THOC2: variants seen among roughly 807,000 people sequenced by gnomAD.
THOC2 encodes the protein THO complex 2.
THOC2 carries 10 observed loss-of-function variants against 128.4 expected under a neutral mutation model. The observed-to-expected ratio is 0.08, with a 90% CI of 0.05 to 0.13. The LOEUF (loss-of-function observed/expected upper bound fraction) is 0.13, where lower values mean the gene tolerates loss of function less well. Ranked by LOEUF, THOC2 falls within the 10% of genes least tolerant of loss-of-function variation. The probability of loss-of-function intolerance (pLI) is 1.00; values close to 1 mark genes in which losing one functional copy is unlikely to be tolerated. For synonymous variants in THOC2, 393 were observed against 396.9 expected, an observed-to-expected ratio of 0.99 and a Z score of 0.12; for missense variants, 535 against 1,155.7, an observed-to-expected ratio of 0.46 and a Z score of 7.79.
At chrX:123,611,056 A>G in intron 37 of THOC2, 93 bp from the exon 38 acceptor site, 1 of 849,917 alleles carries the variant, frequency 1.2e-6, no homozygotes, top group Non-Finnish European at 1.7e-6. Flanking sequence ...GCAGGCCTAA[A>G]TGGGCTCTGA....
intron 1 of THOC2, among the ~76,000 whole-genome samples, chrX:123,728,116 T>G (rs1050545428): frequency 2.0e-4 from 22 of 111,915 alleles, no homozygotes; most frequent in African/African-American, 5.2e-4. Context: ...TTAAATGTAG[T>G]TAAATAAAGT....
At chrX:123,612,971 T>A (rs928249917) in intron 36 of THOC2, among the ~76,000 whole-genome samples, 2 of 111,437 alleles carry the variant, frequency 1.8e-5, no homozygotes, top group African/African-American at 6.5e-5. Context: ...AACAAATGAG[T>A]TTATTAGGAG....
At chrX:123,697,775 GT>G (rs1207924578) in intron 4 of THOC2, 24 bp from the exon 5 acceptor site, 2 of 795,705 alleles carry the variant, frequency 2.5e-6, no homozygotes, top group Non-Finnish European at 3.6e-6. Context: ...GAAGAAAAAA[GT>G]TTGATTGATT....
intron 4 of THOC2, among the ~76,000 whole-genome samples, chrX:123,700,209 A>T (rs890491951): frequency 2.7e-5 from 3 of 109,338 alleles, no homozygotes; most frequent in African/African-American, 1.0e-4. Flanking sequence ...AGTCTGTTAA[A>T]GTTGCTATCA....
At chrX:123,647,963 G>T (rs1338719637) in intron 12 of THOC2, among the ~76,000 whole-genome samples, 2 of 110,394 alleles carry the variant, frequency 1.8e-5, no homozygotes, top group Middle Eastern at 4.6e-3. Flanking sequence ...TTGTTTAAAT[G>T]TAATCAGCCT....
intron 22 of THOC2, among the ~76,000 whole-genome samples, chrX:123,631,233 T>C (rs2047470793): frequency 8.9e-6 from 1 of 111,846 alleles, no homozygotes; most frequent in Non-Finnish European, 1.9e-5. Context: ...TGATCTACCA[T>C]GGGGTGTGAC....
intron 3 of THOC2, among the ~76,000 whole-genome samples, chrX:123,704,863 A>AAAAAG (rs376537209): frequency 1.4e-4 from 16 of 111,656 alleles, no homozygotes; most frequent in African/African-American, 2.9e-4. Context: ...GTCTTGGAGA[A>AAAAAG]AAAAGAAAAG....
At chrX:123,683,602 T>C (rs1569419004) in intron 8 of THOC2, among the ~76,000 whole-genome samples, 1 of 105,589 alleles carries the variant, frequency 9.5e-6, no homozygotes, top group African/African-American at 3.4e-5. Context: ...TGACAAGACT[T>C]TTTTTTTTTT....
At chrX:123,730,495 AG>A (rs897911087) in intron 1 of THOC2, among the ~76,000 whole-genome samples, 1 of 112,422 alleles carries the variant, frequency 8.9e-6, no homozygotes, top group African/African-American at 3.2e-5. Context: ...ACAGTTTTTA[AG>A]CAGCTCTTCA....
At chrX:123,680,548 GTC>G (rs1305532147) in intron 8 of THOC2, among the ~76,000 whole-genome samples, 1 of 109,745 alleles carries the variant, frequency 9.1e-6, no homozygotes, top group Admixed American at 9.8e-5. Flanking sequence ...TCTATACTTT[GTC>G]TCTGTGTCTC....
intron 8 of THOC2, among the ~76,000 whole-genome samples, chrX:123,686,156 C>G (rs1201442049): frequency 8.9e-6 from 1 of 112,176 alleles, no homozygotes; most frequent in Non-Finnish European, 1.9e-5. Context: ...CCAGCCACAT[C>G]AGACTATGAA....
At chrX:123,705,682 G>A (rs1012823104) in intron 3 of THOC2, among the ~76,000 whole-genome samples, 2 of 109,997 alleles carry the variant, frequency 1.8e-5, no homozygotes, top group African/African-American at 6.6e-5. Context: ...AATCACAACA[G>A]CTAAACTTAG....
intron 7 of THOC2, among the ~76,000 whole-genome samples, chrX:123,688,456 C>T (rs932301488): frequency 2.7e-5 from 3 of 111,462 alleles, no homozygotes; most frequent in Non-Finnish European, 3.8e-5. Flanking sequence ...TCAGGCCGGG[C>T]GTGGCAGCTC....
At chrX:123,722,706 G>A (rs2051758319) in intron 1 of THOC2, among the ~76,000 whole-genome samples, 1 of 110,375 alleles carries the variant, frequency 9.1e-6, no homozygotes, top group South Asian at 3.9e-4. Flanking sequence ...TGCACATTCT[G>A]CACATGTATC....
chrX:123,696,915 A>G, intron 5 of THOC2, 73 bp from the exon 6 acceptor site: 1 of 811,670 alleles, frequency 1.2e-6, no homozygotes, highest in Non-Finnish European at 1.7e-6. Flanking sequence ...TTCAAACTAA[A>G]GCTTCCTAAA....
At chrX:123,661,741 C>G (rs190973366) in intron 12 of THOC2, among the ~76,000 whole-genome samples, 1 of 111,778 alleles carries the variant, frequency 8.9e-6, no homozygotes, top group Non-Finnish European at 1.9e-5. Context: ...AACTACTTAA[C>G]AGATTTCTTT....
At chrX:123,649,361 A>G (rs1326161732) in intron 12 of THOC2, among the ~76,000 whole-genome samples, 1 of 111,752 alleles carries the variant, frequency 8.9e-6, no homozygotes, top group Non-Finnish European at 1.9e-5. Flanking sequence ...AACAGCACAA[A>G]AAGGCTGAAA....
chrX:123,650,944 T>G (rs2048328364), intron 12 of THOC2, among the ~76,000 whole-genome samples: 1 of 111,799 alleles, frequency 8.9e-6, no homozygotes, highest in Non-Finnish European at 1.9e-5. Context: ...AACTCAGCTC[T>G]GGACCAAGTG....
intron 3 of THOC2, among the ~76,000 whole-genome samples, chrX:123,703,767 T>TG (rs1382517480): frequency 3.3e-5 from 3 of 92,235 alleles, no homozygotes; most frequent in African/African-American, 1.2e-4. Flanking sequence ...CCAGGCGTGA[T>TG]GGTGTACTAG....
Sources: allele counts gnomAD v4.1 joint callset (sites outside exome capture counted in the v4.1 genomes callset), GRCh38; gene constraint gnomAD v4.1.1; transcripts MANE v1.5; gene names NCBI Gene and HGNC (gene_info 2026-07-23, HGNC 2026-07-21).